SCARB2: variants seen among roughly 807,000 people sequenced by gnomAD.
SCARB2 encodes scavenger receptor class B member 2.
SCARB2 carries 29 observed loss-of-function variants against 58.6 expected under a neutral mutation model. That is an observed-to-expected ratio of 0.49 (90% CI 0.37 to 0.67). The LOEUF is 0.67. SCARB2 is among the 30% of genes least tolerant of loss of function. SCARB2 has a pLI of 0.00. For synonymous variants in SCARB2, 195 were observed against 210.1 expected, an observed-to-expected ratio of 0.93 and a Z score of 0.62; for missense variants, 488 against 578.5, an observed-to-expected ratio of 0.84 and a Z score of 1.60.
At chr4:76,198,897 GAAGA>G (rs1450768483) in intron 1 of SCARB2, among the ~76,000 whole-genome samples, 2 of 151,630 alleles carry the variant, frequency 1.3e-5, no homozygotes, top group African/African-American at 4.9e-5. Flanking sequence ...CACTAAGTAG[GAAGA>G]GAGATGGGGA....
chr4:76,196,007 C>CAT, intron 1 of SCARB2, 143 bp from the exon 2 acceptor site: 1 of 618,130 alleles, frequency 1.6e-6, no homozygotes. Flanking sequence ...CTGCAGTCTC[C>CAT]TGAGAACAGG....
intron 8 of SCARB2, 52 bp from the exon 9 acceptor site, chr4:76,168,528 C>T: frequency 6.8e-7 from 1 of 1,462,928 alleles, no homozygotes; most frequent in Non-Finnish European, 9.5e-7. Context: ...AAACTGCAAA[C>T]AACTTTTTCA....
At chr4:76,187,979 GC>G (rs1188740530) in intron 2 of SCARB2, among the ~76,000 whole-genome samples, 18 of 152,026 alleles carry the variant, frequency 1.2e-4, no homozygotes, top group African/African-American at 3.9e-4. Flanking sequence ...AATAATACAA[GC>G]CTAAAATAGA....
rs1345920457 is a variant in SCARB2, at chr4:76,161,627, A to G, written c.*86T>C. ...TTTTTCCTTCTTTCAACAGGCAACA[A>G]GCCTGCAAGGAGGTGGAGGGTTTCC... On this transcript the variant is annotated 3_prime_UTR_variant, in exon 12 of 12. Transcript: ENST00000264896. 2.1e-6 allele frequency: 3 copies of G among 1,399,130 alleles called. No individual in the cohort carries two copies. Among genetic ancestry groups the G allele is most frequent in the East Asian group, 4.6e-5 (2 of 43,934 alleles). 86.7% of individuals were successfully genotyped at this position (1,399,130 alleles called of 1,614,324 possible). A position where few individuals can be genotyped will look rare whatever the true frequency, so the allele number is the denominator to read the frequency against.
intron 1 of SCARB2, among the ~76,000 whole-genome samples, chr4:76,233,378 A>G (rs1733526425): frequency 6.6e-6 from 1 of 152,222 alleles, no homozygotes; most frequent in South Asian, 2.1e-4. Context: ...TCTGACCTGC[A>G]TTATGCAGCC....
intron 8 of SCARB2, among the ~76,000 whole-genome samples, chr4:76,168,752 A>C (rs1238772163): frequency 6.6e-6 from 1 of 152,218 alleles, no homozygotes; most frequent in Admixed American, 6.5e-5. Context: ...TAGACTGGCC[A>C]TTTCTAACAA....
At chr4:76,201,902 T>A (rs1354154821) in intron 1 of SCARB2, among the ~76,000 whole-genome samples, 1 of 152,252 alleles carries the variant, frequency 6.6e-6, no homozygotes, top group Non-Finnish European at 1.5e-5. Flanking sequence ...TCTTTCATTC[T>A]TTCCACAAAT....
chr4:76,225,339 G>C (rs190664217), intron 1 of SCARB2, among the ~76,000 whole-genome samples: 1 of 152,158 alleles, frequency 6.6e-6, no homozygotes, highest in Non-Finnish European at 1.5e-5. Context: ...TATCATCAGC[G>C]AACAGTGACA....
intron 2 of SCARB2, chr4:76,192,694 A>T (rs1044785429): frequency 6.6e-6 from 1 of 151,532 alleles, no homozygotes; most frequent in African/African-American, 2.4e-5. Context: ...AAAAAAAAAA[A>T]GTTAAAAATT....
intron 2 of SCARB2, among the ~76,000 whole-genome samples, chr4:76,186,649 A>G (rs1205632283): frequency 6.6e-6 from 1 of 152,144 alleles, no homozygotes; most frequent in Non-Finnish European, 1.5e-5. Flanking sequence ...ACTCCTTAAG[A>G]TGGAAATATC....
chr4:76,175,398 T>C (rs1368689557), intron 6 of SCARB2: 1 of 269,794 alleles, frequency 3.7e-6, no homozygotes, highest in East Asian at 9.8e-5. Flanking sequence ...TCATAGTAAC[T>C]AAGAGCCAAC....
At chr4:76,214,202 A>G (rs914361664), upstream of SCARB2, 34 of 454,104 alleles carry the variant, frequency 7.5e-5, 1 homozygote, top group Admixed American at 4.0e-4. Context: ...GGCGCTCGCA[A>G]GTTAGCGGGG....
chr4:76,215,338 T>G (rs1338390798), upstream of SCARB2, among the ~76,000 whole-genome samples: 1 of 152,214 alleles, frequency 6.6e-6, no homozygotes, highest in Non-Finnish European at 1.5e-5. Flanking sequence ...GGATCCTGCT[T>G]GAACCAGGAT....
chr4:76,216,226 C>T (rs1686053994), upstream of SCARB2, among the ~76,000 whole-genome samples: 2 of 152,160 alleles, frequency 1.3e-5, no homozygotes, highest in African/African-American at 2.4e-5. Flanking sequence ...GCTTAAGGAG[C>T]AATGCTAGCC....
intron 1 of SCARB2, among the ~76,000 whole-genome samples, chr4:76,221,616 G>A (rs1026543071): frequency 8.6e-5 from 13 of 151,950 alleles, no homozygotes; most frequent in Admixed American, 2.0e-4. Flanking sequence ...CACCGCACCC[G>A]GCCTATTCCC....
At chr4:76,194,660 G>T (rs528894982) in intron 2 of SCARB2, 4 of 152,130 alleles carry the variant, frequency 2.6e-5, no homozygotes, top group Non-Finnish European at 4.4e-5. Context: ...TTATCATTCA[G>T]CAGTTTTGAA....
In SCARB2 at chr4:76,175,768, G is replaced by T. The variant is rs749465215; in HGVS notation, c.824+23C>A. 18 of 1,613,330 alleles carry T rather than the reference G, an allele frequency of 1.1e-5. 2 individuals are homozygous for T. The South Asian group carries it at 1.6e-4, about 15-fold the overall frequency. On this transcript the variant is annotated intron_variant, in intron 6 of 11. Transcript: ENST00000264896. ...AGTGAAAGACCTTATTTTTGAAAAAGAACTTATCTTTAAAGCTTTTACCTG... is the reference window on the plus strand; with the variant it reads ...AGTGAAAGACCTTATTTTTGAAAAATAACTTATCTTTAAAGCTTTTACCTG...
chr4:76,192,712 C>A (rs1732631932), intron 2 of SCARB2: 1 of 151,960 alleles, frequency 6.6e-6, no homozygotes, highest in African/African-American at 2.4e-5. Context: ...ATTAGCCAGG[C>A]ATGGTGGCAC....
chr4:76,212,960 C>G (rs1733088349), intron 1 of SCARB2, among the ~76,000 whole-genome samples: 1 of 152,230 alleles, frequency 6.6e-6, no homozygotes, highest in Admixed American at 6.5e-5. Context: ...CTGCCCAGCC[C>G]AAGAGGGCAA....
Sources: gnomAD v4.1 joint callset for allele counts (sites outside exome capture counted in the v4.1 genomes callset) on GRCh38, gnomAD v4.1.1 for gene constraint, MANE v1.5 for transcripts, NCBI Gene and HGNC (gene_info 2026-07-23, HGNC 2026-07-21) for gene names.